The following MAGI2 variants were observed in gnomAD, a reference collection of about 807,000 sequenced individuals.
The protein encoded by MAGI2 is membrane associated guanylate kinase, WW and PDZ domain containing 2, also known as membrane-associated guanylate kinase, WW and PDZ domain-containing protein 2.
Under a neutral mutation model 133.3 loss-of-function variants are expected in MAGI2, and 35 were observed. The ratio of observed to expected loss-of-function variants is 0.26; its 90% CI spans 0.20 to 0.35. The LOEUF (loss-of-function observed/expected upper bound fraction) is 0.35. Among genes scored for constraint, MAGI2 ranks in the 10% least tolerant of loss-of-function variants. The probability of loss-of-function intolerance (pLI) is 1.00; values close to 1 mark genes in which losing one functional copy is unlikely to be tolerated. For synonymous variants in MAGI2, 729 were observed against 710.6 expected (o/e 1.03, Z -0.41); for missense variants, 1,636 against 1,863.4 (o/e 0.88, Z 2.25).
At chr7:79,052,971 T>C (rs1812811674) in intron 1 of MAGI2, among the ~76,000 whole-genome samples, 1 of 152,100 alleles carries the variant, frequency 6.6e-6, no homozygotes, top group Non-Finnish European at 1.5e-5. Context: ...TCAAATCCTC[T>C]TTCCATAAGA....
intron 2 of MAGI2, among the ~76,000 whole-genome samples, chr7:78,848,061 A>G (rs1336840035): frequency 6.6e-6 from 1 of 151,946 alleles, no homozygotes. Flanking sequence ...CTTTAAATGG[A>G]ATCTGTAACT....
chr7:78,133,017 A>G lies in MAGI2; in HGVS notation c.3075T>C (p.Ser1025=). Residue 1025 remains serine, a synonymous_variant, in exon 18 of 22, where the codon AGT becomes AGC. Transcript: ENST00000354212. The part of the protein sequence containing the change: ...PTSAPSSEKQ[S]PMAQQSPLAQ... ...CCAGGGGACTCTGCTGCGCCATGGG[A>G]CTCTGCTTCTCTGAGCTGGGTGCCG... 1 of 1,597,944 alleles carries G rather than the reference A, an allele frequency of 6.3e-7. No homozygotes were observed. The highest frequency in any genetic ancestry group is 8.5e-7 in the Non-Finnish European group (1 of 1,173,822).
intron 6 of MAGI2, among the ~76,000 whole-genome samples, chr7:78,453,388 G>A (rs1406277585): frequency 6.6e-6 from 1 of 152,090 alleles, no homozygotes; most frequent in Non-Finnish European, 1.5e-5. Flanking sequence ...TAAAGGAATC[G>A]CTGTTTCCCC....
chr7:78,068,042 C>T (rs892031115), intron 21 of MAGI2, among the ~76,000 whole-genome samples: 4 of 152,158 alleles, frequency 2.6e-5, no homozygotes, highest in Admixed American at 2.6e-4. Flanking sequence ...GAATGTGCAA[C>T]AGTGGTCTCC....
chr7:78,202,682 CAAAAAAAA>C (rs59358280), intron 10 of MAGI2, among the ~76,000 whole-genome samples: 1 of 70,534 alleles, frequency 1.4e-5, no homozygotes, highest in African/African-American at 6.1e-5. Flanking sequence ...GACTCTGTCT[CAAAAAAAA>C]AAAAAAAAAA....
chr7:78,490,146 A>C (rs1240046028), intron 5 of MAGI2: 2 of 380,704 alleles, frequency 5.3e-6, no homozygotes, highest in African/African-American at 2.1e-5. Flanking sequence ...CAAATACAGG[A>C]TTCTCCAGTT....
chr7:78,120,790 A>C (rs567019986), intron 20 of MAGI2, among the ~76,000 whole-genome samples: 1 of 151,572 alleles, frequency 6.6e-6, no homozygotes, highest in Non-Finnish European at 1.5e-5. Context: ...TCACGAGGTC[A>C]GGAGATCGAG....
At chr7:78,261,357 C>T (rs1316011917) in intron 9 of MAGI2, among the ~76,000 whole-genome samples, 1 of 152,100 alleles carries the variant, frequency 6.6e-6, no homozygotes, top group East Asian at 1.9e-4. Context: ...CCTACCAATT[C>T]ATTTCCTTCC....
chr7:78,844,705 T>G (rs1037555799), intron 2 of MAGI2, among the ~76,000 whole-genome samples: 1 of 151,700 alleles, frequency 6.6e-6, no homozygotes, highest in African/African-American at 2.4e-5. Flanking sequence ...CAGGGGGTGA[T>G]GAAAATGTTC....
At chr7:78,457,070 C>T (rs534262900) in intron 6 of MAGI2, 3 of 152,324 alleles carry the variant, frequency 2.0e-5, no homozygotes, top group South Asian at 2.1e-4. Context: ...CTTAGGACCC[C>T]TGTGAACTGC....
Position 79,261,290 on chromosome 7 carries a change from G to A in MAGI2, c.301+191730C>T, listed in dbSNP as rs563044697. On this transcript the variant is annotated intron_variant, in intron 1 of 21. Coordinates refer to ENST00000354212, the MANE Select transcript of MAGI2 (RefSeq NM_012301.4). ...ATTTATTGTCCCTTGACGTCCCTCC[G>A]ACACACCAGGGTTTCCCCTGGGCTA... 5.9e-5 allele frequency among the ~76,000 whole-genome samples: 9 copies of A among 152,194 alleles called. No individual in the cohort carries two copies. The South Asian group carries it at 6.2e-4, about 11-fold the overall frequency.
chr7:79,406,739 C>T (rs1237309343), intron 1 of MAGI2, among the ~76,000 whole-genome samples: 1 of 151,972 alleles, frequency 6.6e-6, no homozygotes, highest in Non-Finnish European at 1.5e-5. Flanking sequence ...TTATTGAGTG[C>T]CAACTATTTG....
intron 6 of MAGI2, among the ~76,000 whole-genome samples, chr7:78,392,943 G>C (rs1462477763): frequency 6.6e-6 from 1 of 152,130 alleles, no homozygotes; most frequent in Non-Finnish European, 1.5e-5. Context: ...TTACAGGTGT[G>C]AGCCACCGCG....
Position 79,316,412 on chromosome 7 carries a change from C to G in MAGI2, c.301+136608G>C, listed in dbSNP as rs377554954. ...TAGTTTCATATCCACAGTTTCATGTCGCCCACTGAAAAATATATGCTATTT... is the reference window on the plus strand; with the variant it reads ...TAGTTTCATATCCACAGTTTCATGTGGCCCACTGAAAAATATATGCTATTT... On this transcript the variant is annotated intron_variant, in intron 1 of 21. Transcript: ENST00000354212. Among the ~76,000 whole-genome samples, 61 of 152,200 alleles carry G rather than the reference C, an allele frequency of 4.0e-4. No homozygotes were observed. In the East Asian group the frequency reaches 0.011, roughly 28 times the overall value.
At chr7:78,221,113 C>T (rs957143042) in intron 10 of MAGI2, among the ~76,000 whole-genome samples, 2 of 152,176 alleles carry the variant, frequency 1.3e-5, no homozygotes, top group African/African-American at 4.8e-5. Flanking sequence ...TTCCTGGATT[C>T]TTGAGCTTGA....
intron 1 of MAGI2, among the ~76,000 whole-genome samples, chr7:79,346,043 A>T (rs1841288865): frequency 6.6e-6 from 1 of 152,096 alleles, no homozygotes; most frequent in South Asian, 2.1e-4. Flanking sequence ...TACTAGTCAG[A>T]TTAAATGAAG....
At chr7:79,002,580 G>T (rs1038556151) in intron 2 of MAGI2, among the ~76,000 whole-genome samples, 1 of 151,858 alleles carries the variant, frequency 6.6e-6, no homozygotes, top group East Asian at 1.9e-4. Flanking sequence ...TACGATAGTA[G>T]GATAGTGAAA....
intron 1 of MAGI2, among the ~76,000 whole-genome samples, chr7:79,201,080 C>CAGAAATTGG (rs1232080081): frequency 6.6e-6 from 1 of 151,838 alleles, no homozygotes; most frequent in Non-Finnish European, 1.5e-5. Flanking sequence ...ATATCCTAAG[C>CAGAAATTGG]AGAAATTGGC....
rs911917811 is a variant in MAGI2, at chr7:78,425,681, G to A, written c.1046-56468C>T. On this transcript the variant is annotated intron_variant, in intron 6 of 21. Transcript: ENST00000354212. ...AGTGCTAGAAGATTTTGTAGTCCTT[G>A]CTCAGTCAGAATGGAGAAACCTCAC... Among the ~76,000 whole-genome samples, 47 of 152,278 alleles carry A rather than the reference G, an allele frequency of 3.1e-4. 1 individual carries two copies. Among genetic ancestry groups the A allele is most frequent in the Middle Eastern group, 3.4e-3 (1 of 294 alleles).
Sources: allele counts gnomAD v4.1 joint callset (sites outside exome capture counted in the v4.1 genomes callset), GRCh38; gene constraint gnomAD v4.1.1; transcripts MANE v1.5; gene names NCBI Gene and HGNC (gene_info 2026-07-23, HGNC 2026-07-21).